The following FAM13A variants were observed in gnomAD, a reference collection of about 807,000 sequenced individuals.
FAM13A encodes the protein family with sequence similarity 13 member A, also known as protein FAM13A.
In FAM13A, 76 loss-of-function variants were observed where a neutral mutation model predicts 129.6. The observed-to-expected ratio is 0.59, with a 90% CI of 0.49 to 0.71. The LOEUF (loss-of-function observed/expected upper bound fraction) is 0.71, where lower values mean the gene tolerates loss of function less well. Ranked by LOEUF, FAM13A falls within the 30% of genes least tolerant of loss-of-function variation. The pLI is 0.00. For synonymous variants in FAM13A, 443 were observed against 449.9 expected, an observed-to-expected ratio of 0.98 and a Z score of 0.20; for missense variants, 1,108 against 1,249.3, an observed-to-expected ratio of 0.89 and a Z score of 1.70.
intron 5 of FAM13A, among the ~76,000 whole-genome samples, chr4:88,920,375 G>A (rs1425509848): frequency 6.6e-6 from 1 of 152,208 alleles, no homozygotes; most frequent in Non-Finnish European, 1.5e-5. Flanking sequence ...CGATCAGACA[G>A]CAGCATTCGC....
At chr4:88,954,021 T>A (rs989844710) in intron 4 of FAM13A, among the ~76,000 whole-genome samples, 1 of 152,130 alleles carries the variant, frequency 6.6e-6, no homozygotes, top group African/African-American at 2.4e-5. Flanking sequence ...AGCCAAAGTG[T>A]TTGGAAATGA....
In FAM13A at chr4:89,036,674, C is replaced by A. The variant is rs137976446; in HGVS notation, c.28-7025G>T. On this transcript the variant is annotated intron_variant, in intron 1 of 23. Coordinates refer to ENST00000264344, the MANE Select transcript of FAM13A (RefSeq NM_014883.4). ...AAAGGCATTTCAGAGATCTTCACAG[C>A]AGCCCCTCCCATCACAGGGCTGGAG... 2.6e-5 allele frequency among the ~76,000 whole-genome samples: 4 copies of A among 152,320 alleles called. No individual in the cohort carries two copies. The East Asian group carries it at 7.7e-4, about 29-fold the overall frequency.
At chr4:88,991,242 C>A in intron 3 of FAM13A, 92 bp from the exon 4 acceptor site, 1 of 921,384 alleles carries the variant, frequency 1.1e-6, no homozygotes, top group South Asian at 1.9e-5. Flanking sequence ...ACATTTTATT[C>A]AGAAAAAAAC....
At chr4:89,025,507 A>G (rs964665567) in intron 2 of FAM13A, among the ~76,000 whole-genome samples, 1 of 148,498 alleles carries the variant, frequency 6.7e-6, no homozygotes, top group Admixed American at 6.7e-5. Context: ...CTCATGATCC[A>G]CCCGCCTCGG....
intron 5 of FAM13A, among the ~76,000 whole-genome samples, chr4:88,909,145 A>T (rs1177547617): frequency 6.6e-6 from 1 of 152,234 alleles, no homozygotes. Flanking sequence ...ATCAACACAA[A>T]TGCAAATAGT....
intron 5 of FAM13A, among the ~76,000 whole-genome samples, chr4:88,914,182 C>T (rs1749703742): frequency 6.6e-6 from 1 of 152,108 alleles, no homozygotes; most frequent in Non-Finnish European, 1.5e-5. Flanking sequence ...TGAAATCGGT[C>T]TACTCTTCCC....
At chr4:89,000,386 T>C (rs751070339) in intron 3 of FAM13A, among the ~76,000 whole-genome samples, 3 of 152,196 alleles carry the variant, frequency 2.0e-5, no homozygotes, top group African/African-American at 4.8e-5. Flanking sequence ...CAGATAAAGC[T>C]TGAAACATTA....
rs185103712 is a variant in FAM13A, at chr4:88,866,460, G to A, written c.844-15277C>T. On this transcript the variant is annotated intron_variant, in intron 6 of 23. Transcript: ENST00000264344. ...CTCCCAAAGTTCTGGGATTATAGGC[G>A]TGAGTGACTGTGCCCGGCACTTTTG... Among the ~76,000 whole-genome samples, 5 of 152,304 alleles carry A rather than the reference G, an allele frequency of 3.3e-5. No individual in the cohort carries two copies. The South Asian group carries it at 6.2e-4, about 19-fold the overall frequency.
chr4:88,870,998 G>A (rs998552181), intron 6 of FAM13A, among the ~76,000 whole-genome samples: 1 of 152,206 alleles, frequency 6.6e-6, no homozygotes, highest in Non-Finnish European at 1.5e-5. Context: ...TGATACCTAG[G>A]CAAACAGGTC....
intron 4 of FAM13A, among the ~76,000 whole-genome samples, chr4:88,956,538 T>C (rs914186634): frequency 1.3e-5 from 2 of 152,166 alleles, no homozygotes; most frequent in African/African-American, 4.8e-5. Flanking sequence ...ACCAAAGAAC[T>C]TAAGGAATTT....
intron 3 of FAM13A, among the ~76,000 whole-genome samples, chr4:89,017,488 A>G (rs528503427): frequency 6.6e-6 from 1 of 152,322 alleles, no homozygotes; most frequent in Non-Finnish European, 1.5e-5. Context: ...TAAAAATAAT[A>G]AAACAGTACA....
In FAM13A at chr4:88,990,758, A is replaced by G. The variant is rs1762828481; in HGVS notation, c.605+215T>C. On this transcript the variant is annotated intron_variant, in intron 4 of 23. Coordinates refer to ENST00000264344, the MANE Select transcript of FAM13A (RefSeq NM_014883.4). The stretch of plus-strand genomic sequence containing the variant: ...ATTTTTAAATAAGGCTATTTGATTT[A>G]TTGCAAATTATAGTTTTGTAAAAAG... 2.3e-5 allele frequency: 10 copies of G among 425,630 alleles called. No homozygotes were observed. In the East Asian group the frequency reaches 3.4e-4, roughly 15 times the overall value. 26.4% of individuals were successfully genotyped at this position (425,630 alleles called of 1,614,324 possible).
chr4:88,927,169 T>C (rs1752328758), intron 5 of FAM13A, among the ~76,000 whole-genome samples: 1 of 152,166 alleles, frequency 6.6e-6, no homozygotes, highest in Non-Finnish European at 1.5e-5. Context: ...TAGAGATCTT[T>C]CACCTTCTTG....
At chr4:88,734,142 T>C (rs1210363019) in intron 21 of FAM13A, among the ~76,000 whole-genome samples, 1 of 152,024 alleles carries the variant, frequency 6.6e-6, no homozygotes, top group Non-Finnish European at 1.5e-5. Flanking sequence ...ATGAGACTGG[T>C]TCCTTAAAAA....
chr4:88,876,026 C>G lies in FAM13A; in HGVS notation c.844-24843G>C, dbSNP rs886393456. ...TGAAGCTGGAAACCATCATTCTCAG[C>G]AAACTATCGCAAGGACAGAAAACCA... On this transcript the variant is annotated intron_variant, in intron 6 of 23. Transcript: ENST00000264344. 4.6e-5 allele frequency among the ~76,000 whole-genome samples: 7 copies of G among 152,152 alleles called. No individual in the cohort carries two copies. The South Asian group carries it at 8.3e-4, about 18-fold the overall frequency.
At chr4:88,936,789 G>C (rs1184489196) in intron 5 of FAM13A, 1 of 152,044 alleles carries the variant, frequency 6.6e-6, no homozygotes, top group Non-Finnish European at 1.5e-5. Flanking sequence ...GTTTATAAAA[G>C]ATTTTTAAAA....
At position 88,938,252 on chromosome 4, in the gene FAM13A, G is replaced by A. The variant is rs758155314; in HGVS notation, c.606-11C>T. On this transcript the variant is annotated splice_polypyrimidine_tract_variant and intron_variant, in intron 4 of 23. Transcript: ENST00000264344. ...AGCCCAGGTGGCACACTAGAAACAA[G>A]AAAGGGAAAGAGAGGAATTACTTAG... 6.3e-7 allele frequency: 1 copy of A among 1,592,866 alleles called. No individual in the cohort carries two copies. The highest frequency in any genetic ancestry group is 1.2e-5 in the South Asian group (1 of 86,804).
intron 3 of FAM13A, 45 bp downstream of exon 3, chr4:89,020,415 C>T (rs781721431): frequency 7.0e-7 from 1 of 1,433,700 alleles, no homozygotes; most frequent in Non-Finnish European, 9.8e-7. Flanking sequence ...CCGTGCCCAG[C>T]CTAGTAAAGT....
At chr4:88,987,074 T>C (rs1365228206) in intron 4 of FAM13A, among the ~76,000 whole-genome samples, 2 of 152,162 alleles carry the variant, frequency 1.3e-5, no homozygotes, top group African/African-American at 2.4e-5. Flanking sequence ...GAAATACTGT[T>C]ACAGGGTTTT....
Sources: gnomAD v4.1 joint callset for allele counts (sites outside exome capture counted in the v4.1 genomes callset) on GRCh38, gnomAD v4.1.1 for gene constraint, MANE v1.5 for transcripts, NCBI Gene and HGNC (gene_info 2026-07-23, HGNC 2026-07-21) for gene names.